GIP: variants seen among roughly 807,000 people sequenced by gnomAD.
The protein encoded by GIP is gastric inhibitory polypeptide, also known as glucose-dependent insulinotropic polypeptide.
A neutral mutation model predicts 18.1 loss-of-function variants in GIP; 16 were observed. That is an observed-to-expected ratio of 0.88 (90% CI 0.60 to 1.34). GIP has a LOEUF of 1.34. Ranked by LOEUF, GIP falls within the 40% of genes most tolerant of loss-of-function variation. GIP has a pLI of 0.00. For synonymous variants in GIP, 76 were observed against 74.0 expected (o/e 1.03, Z -0.14); for missense variants, 192 against 183.4 (o/e 1.05, Z -0.27).
At chr17:48,962,791 T>G (rs1410112460) in intron 3 of GIP, among the ~76,000 whole-genome samples, 2 of 152,024 alleles carry the variant, frequency 1.3e-5, no homozygotes, top group Middle Eastern at 3.4e-3. Flanking sequence ...CCCATACATC[T>G]TCTGACTCCT....
chr17:48,964,294 G>GTAA lies in GIP; in HGVS notation c.257+13_257+15dup. ...GCCCGGCACAGGGAACAGGAGGAGTGTAAGCAGCGACTCACTCATTCTTCT... is the reference window on the plus strand; with the variant it reads ...GCCCGGCACAGGGAACAGGAGGAGTGTAATAAGCAGCGACTCACTCATTCTTCT... On this transcript the variant is annotated intron_variant, in intron 3 of 5. Transcript: ENST00000357424. The GTAA allele has an allele frequency of 6.2e-7, 1 of 1,607,630 alleles. No homozygotes were observed. Among genetic ancestry groups the GTAA allele is most frequent in the Non-Finnish European group, 8.5e-7 (1 of 1,174,574 alleles).
intron 4 of GIP, among the ~76,000 whole-genome samples, chr17:48,961,288 A>T (rs893189717): frequency 7.1e-4 from 108 of 152,298 alleles, no homozygotes; most frequent in African/African-American, 2.4e-3. Flanking sequence ...CTTTGGGCAC[A>T]TTCACTCTTT....
intron 5 of GIP, among the ~76,000 whole-genome samples, chr17:48,959,807 G>C (rs1175068308): frequency 1.6e-5 from 2 of 128,596 alleles, no homozygotes; most frequent in South Asian, 3.0e-4. Flanking sequence ...GTAGGGACAG[G>C]CGGGACACAG....
chr17:48,966,643 C>T (rs1212158824), intron 2 of GIP, among the ~76,000 whole-genome samples: 2 of 151,324 alleles, frequency 1.3e-5, no homozygotes, highest in Non-Finnish European at 2.9e-5. Flanking sequence ...CTCATCTCTA[C>T]AAAAAATTCA....
intron 3 of GIP, 69 bp from the exon 4 acceptor site, chr17:48,961,888 A>G (rs2041202664): frequency 8.8e-7 from 1 of 1,133,854 alleles, no homozygotes; most frequent in Non-Finnish European, 1.3e-6. Context: ...TGAATCTTTT[A>G]ATATCTGAAC....
chr17:48,960,751 C>A (rs1463806701), intron 5 of GIP, 135 bp downstream of exon 5: 2 of 673,630 alleles, frequency 3.0e-6, no homozygotes, highest in Admixed American at 2.2e-5. Context: ...TGATTCTATA[C>A]CTCTGATTTT....
chr17:48,961,373 CACAA>C (rs1214509208), intron 4 of GIP, among the ~76,000 whole-genome samples: 2 of 152,288 alleles, frequency 1.3e-5, no homozygotes, highest in South Asian at 2.1e-4. Flanking sequence ...CCCGCTCTTT[CACAA>C]ACAGTCTTCC....
rs1398996679 is a variant in GIP, at chr17:48,964,324, C to T, written c.243G>A (p.Lys81=). ...QDFVNWLLAQ[K]GKKNDWKHNI... ...CAGCGACTCACTCATTCTTCTTCCC[C>T]TTTTGGGCCAGCAGCCAGTTCACAA... The change falls in exon 3 of 6, where the codon AAG becomes AAA. Residue 81 remains lysine (K), a synonymous_variant. Coordinates refer to ENST00000357424, the MANE Select transcript of GIP (RefSeq NM_004123.3). 3 of 1,613,744 alleles carry T rather than the reference C, an allele frequency of 1.9e-6. No individual in the cohort carries two copies. The highest frequency in any genetic ancestry group is 2.5e-6 in the Non-Finnish European group (3 of 1,179,734).
intron 3 of GIP, among the ~76,000 whole-genome samples, chr17:48,963,069 T>C (rs1293406250): frequency 6.8e-6 from 1 of 148,006 alleles, no homozygotes; most frequent in African/African-American, 2.5e-5. Context: ...ATTGTGCCAC[T>C]GCACTCCAGC....
intron 5 of GIP, 135 bp from the exon 6 acceptor site, chr17:48,958,851 A>G (rs2041183216): frequency 1.7e-6 from 1 of 589,892 alleles, no homozygotes; most frequent in East Asian, 3.2e-5. Flanking sequence ...ATTTTTATCA[A>G]TTTACTTTTT....
chr17:48,968,220 G>A (rs1014329362), intron 1 of GIP, among the ~76,000 whole-genome samples: 1 of 151,952 alleles, frequency 6.6e-6, no homozygotes, highest in East Asian at 1.9e-4. Context: ...ACCCTCCCGA[G>A]TACCTAGAAC....
chr17:48,965,289 A>T (rs8078994), intron 2 of GIP, among the ~76,000 whole-genome samples: 1 of 140,860 alleles, frequency 7.1e-6, no homozygotes, highest in Non-Finnish European at 1.5e-5. Context: ...GAACAAGAGC[A>T]AAACTTCGTC....
chr17:48,965,672 C>T (rs1196563221), intron 2 of GIP, among the ~76,000 whole-genome samples: 1 of 151,642 alleles, frequency 6.6e-6, no homozygotes, highest in Non-Finnish European at 1.5e-5. Flanking sequence ...CAATTCCCTC[C>T]TTTATTCCTC....
rs2041220094 is a variant in GIP, at chr17:48,964,211, G to A, written c.257+99C>T. On this transcript the variant is annotated intron_variant, in intron 3 of 5. Transcript: ENST00000357424. ...AAAGAAAGGTGCCACCTGGGGTTGT[G>A]CATCATGTGGCCTGTGTGGCCACAG... 5.3e-6 allele frequency: 4 copies of A among 760,534 alleles called. No homozygotes were observed. In the Admixed American group the frequency reaches 9.1e-5, roughly 17 times the overall value. The allele number at this position is 760,534 out of a possible 1,614,324, so 47.1% of individuals were successfully genotyped here.
intron 1 of GIP, 24 bp from the exon 2 acceptor site, chr17:48,967,277 A>G: frequency 6.6e-7 from 1 of 1,513,388 alleles, no homozygotes; most frequent in Non-Finnish European, 9.2e-7. Context: ...AAGCCAGGAC[A>G]TGTTGAGAGA....
At position 48,958,624 on chromosome 17, in the gene GIP, GTTCTCTTGGCTA is replaced by G; in HGVS notation, c.*71_*82del. The G allele has an allele frequency of 8.9e-7, 1 of 1,129,200 alleles. No homozygotes were observed. Among genetic ancestry groups the G allele is most frequent in the Non-Finnish European group, 1.3e-6 (1 of 765,184 alleles). The allele number at this position is 1,129,200 out of a possible 1,614,324, so 69.9% of individuals were successfully genotyped here. A position where few individuals can be genotyped will look rare whatever the true frequency, so the allele number is the denominator to read the frequency against. ...CTTAGCATAAACTTTATTGGTTTGGGTTCTCTTGGCTATTCTGGAGTGGGGCTGAGGCAGGTG... is the reference window on the plus strand; with the variant it reads ...CTTAGCATAAACTTTATTGGTTTGGGTTCTGGAGTGGGGCTGAGGCAGGTG... On this transcript the variant is annotated 3_prime_UTR_variant, in exon 6 of 6. Coordinates refer to ENST00000357424, the MANE Select transcript of GIP (RefSeq NM_004123.3).
At chr17:48,965,326 T>C (rs1384474751) in intron 2 of GIP, among the ~76,000 whole-genome samples, 1 of 127,476 alleles carries the variant, frequency 7.8e-6, no homozygotes, top group Non-Finnish European at 1.7e-5. Flanking sequence ...AAAAAAAGGC[T>C]GGGTGCGGTG....
At chr17:48,967,076 A>T in intron 2 of GIP, 71 bp downstream of exon 2, 1 of 1,170,248 alleles carries the variant, frequency 8.5e-7, no homozygotes, top group Non-Finnish European at 1.3e-6. Context: ...ATCTCCCCCT[A>T]GAAACAAATC....
At chr17:48,964,172 AAAAAAG>A in intron 3 of GIP, 132 bp downstream of exon 3, 1 of 592,884 alleles carries the variant, frequency 1.7e-6, no homozygotes, top group Non-Finnish European at 2.9e-6. Flanking sequence ...AAAAAAAAAA[AAAAAAG>A]AAAAGAAAAA....
Sources: allele counts gnomAD v4.1 joint callset (sites outside exome capture counted in the v4.1 genomes callset), GRCh38; gene constraint gnomAD v4.1.1; transcripts MANE v1.5; gene names NCBI Gene and HGNC (gene_info 2026-07-23, HGNC 2026-07-21).